The following TBC1D5 variants were observed in gnomAD, a reference collection of about 807,000 sequenced individuals.
The protein encoded by TBC1D5 is TBC1 domain family, member 5.
TBC1D5 carries 75 observed loss-of-function variants against 100.3 expected under a neutral mutation model. The observed-to-expected ratio is 0.75, with a 90% CI of 0.62 to 0.91. The LOEUF (loss-of-function observed/expected upper bound fraction) is 0.91. TBC1D5 is among the 40% of genes least tolerant of loss of function. The pLI, the probability that TBC1D5 is intolerant of heterozygous loss-of-function variation, is 0.00. For missense variants in TBC1D5, 910 were observed against 942.4 expected (o/e 0.97, Z 0.45); for synonymous variants, 323 against 325.6 (o/e 0.99, Z 0.09).
chr3:17,496,287 T>C (rs2095706304), intron 3 of TBC1D5, among the ~76,000 whole-genome samples: 2 of 152,208 alleles, frequency 1.3e-5, no homozygotes, highest in East Asian at 1.9e-4. Context: ...GTGACCCTAA[T>C]TGTATTAATT....
At chr3:17,250,463 A>G (rs1349933887) in intron 16 of TBC1D5, among the ~76,000 whole-genome samples, 1 of 152,222 alleles carries the variant, frequency 6.6e-6, no homozygotes, top group Non-Finnish European at 1.5e-5. Context: ...CAAGCCCTAC[A>G]TGATCTAGCC....
intron 18 of TBC1D5, among the ~76,000 whole-genome samples, chr3:17,205,829 A>T (rs886587440): frequency 1.3e-5 from 2 of 152,188 alleles, no homozygotes; most frequent in Non-Finnish European, 2.9e-5. Flanking sequence ...ACACGATGAG[A>T]GCAAGTTGAA....
chr3:17,288,087 C>T (rs975071697), intron 15 of TBC1D5, among the ~76,000 whole-genome samples: 1 of 152,152 alleles, frequency 6.6e-6, no homozygotes. Flanking sequence ...TAATAGAAAA[C>T]ATTTAAAGCA....
chr3:17,689,905 C>T (rs559240635), intron 1 of TBC1D5, among the ~76,000 whole-genome samples: 1 of 152,088 alleles, frequency 6.6e-6, no homozygotes, highest in African/African-American at 2.4e-5. Flanking sequence ...ACCCCTCCCC[C>T]CCAAAAAATC....
intron 13 of TBC1D5, among the ~76,000 whole-genome samples, chr3:17,368,452 AGATTT>A (rs2092291449): frequency 6.6e-6 from 1 of 152,084 alleles, no homozygotes; most frequent in Non-Finnish European, 1.5e-5. Flanking sequence ...AATACAGACT[AGATTT>A]AAGTAATTTG....
intron 2 of TBC1D5, among the ~76,000 whole-genome samples, chr3:17,535,945 A>G (rs985902094): frequency 2.0e-5 from 3 of 152,316 alleles, no homozygotes; most frequent in African/African-American, 7.2e-5. Context: ...TAATCCCCAC[A>G]TTTAAAGATT....
intron 1 of TBC1D5, among the ~76,000 whole-genome samples, chr3:17,715,704 A>T (rs1343247300): frequency 6.6e-6 from 1 of 152,086 alleles, no homozygotes; most frequent in Non-Finnish European, 1.5e-5. Context: ...CAGGAGGCTG[A>T]GGTGGAAAGA....
chr3:17,247,178 C>T (rs550831168), intron 16 of TBC1D5, among the ~76,000 whole-genome samples: 1 of 152,274 alleles, frequency 6.6e-6, no homozygotes, highest in Admixed American at 6.5e-5. Flanking sequence ...AGCAGCTCTA[C>T]TTGGCAACAC....
At chr3:17,356,889 G>A (rs1460323267) in intron 13 of TBC1D5, among the ~76,000 whole-genome samples, 2 of 152,052 alleles carry the variant, frequency 1.3e-5, no homozygotes, top group African/African-American at 4.8e-5. Context: ...AATGACCTAT[G>A]ACTATAGATT....
intron 14 of TBC1D5, among the ~76,000 whole-genome samples, chr3:17,299,322 C>A (rs2082583294): frequency 6.6e-6 from 1 of 152,112 alleles, no homozygotes; most frequent in African/African-American, 2.4e-5. Context: ...CAATTTAAAA[C>A]TTAGGAGGTT....
At chr3:17,287,228 C>T (rs2081272427) in intron 15 of TBC1D5, among the ~76,000 whole-genome samples, 1 of 152,114 alleles carries the variant, frequency 6.6e-6, no homozygotes, top group Admixed American at 6.5e-5. Flanking sequence ...GTGTGGTGAA[C>T]TGGAATGAGG....
intron 2 of TBC1D5, among the ~76,000 whole-genome samples, chr3:17,510,703 T>G (rs1057450484): frequency 1.6e-4 from 25 of 152,106 alleles, no homozygotes; most frequent in African/African-American, 4.8e-4. Flanking sequence ...GTCACCAAAT[T>G]CAAATGTCTA....
chr3:17,491,118 A>G (rs11924717), intron 3 of TBC1D5, among the ~76,000 whole-genome samples: 13,871 of 152,092 alleles, frequency 0.091, 1,426 homozygotes, highest in African/African-American at 0.26. Flanking sequence ...CTTGTCAGCT[A>G]TTAGTATATA....
exon 1 of TBC1D5, chr3:17,740,893 C>G (rs1009709065): frequency 3.3e-5 from 5 of 152,168 alleles, no homozygotes; most frequent in African/African-American, 1.2e-4. Context: ...ATTCACAGAC[C>G]AGGTGATGCA....
At chr3:17,611,732 A>T (rs190748646) in intron 2 of TBC1D5, among the ~76,000 whole-genome samples, 2 of 152,224 alleles carry the variant, frequency 1.3e-5, no homozygotes, top group African/African-American at 2.4e-5. Flanking sequence ...AATAAAGATG[A>T]AAAGGTAGCA....
chr3:17,654,405 T>C (rs567450716), intron 1 of TBC1D5, among the ~76,000 whole-genome samples: 4 of 152,300 alleles, frequency 2.6e-5, no homozygotes, highest in African/African-American at 4.8e-5. Context: ...CATGCCATTA[T>C]GTAGGAGGTA....
chr3:17,669,928 C>T (rs1003495488), intron 1 of TBC1D5, among the ~76,000 whole-genome samples: 1 of 152,192 alleles, frequency 6.6e-6, no homozygotes, highest in Non-Finnish European at 1.5e-5. Flanking sequence ...TCTTGTTGCC[C>T]AGGCTGGAGT....
At chr3:17,485,615 G>C (rs1008658130) in intron 3 of TBC1D5, among the ~76,000 whole-genome samples, 4 of 151,642 alleles carry the variant, frequency 2.6e-5, no homozygotes, top group African/African-American at 9.7e-5. Flanking sequence ...CCTTGCAATA[G>C]TTTGCTGAGA....
At chr3:17,705,820 G>A (rs1327036855) in intron 1 of TBC1D5, among the ~76,000 whole-genome samples, 11 of 149,236 alleles carry the variant, frequency 7.4e-5, no homozygotes, top group Non-Finnish European at 1.5e-5. Flanking sequence ...GCCAGGCAGA[G>A]ACACTCCTCA....
Sources: allele counts gnomAD v4.1 joint callset (sites outside exome capture counted in the v4.1 genomes callset), GRCh38; gene constraint gnomAD v4.1.1; transcripts MANE v1.5; gene names NCBI Gene and HGNC (gene_info 2026-07-23, HGNC 2026-07-21).